Variants in HTT observed in about 807,000 individuals in gnomAD.
HTT encodes the protein huntingtin, also known as huntington disease protein.
A neutral mutation model predicts 362.3 loss-of-function variants in HTT; 104 were observed. The ratio of observed to expected loss-of-function variants is 0.29; its 90% confidence interval spans 0.24 to 0.34. HTT has a LOEUF of 0.34. Among genes scored for constraint, HTT ranks in the 10% least tolerant of loss-of-function variants. The pLI, the probability that HTT is intolerant of heterozygous loss-of-function variation, is 1.00. For synonymous variants in HTT, 1,577 were observed against 1,548.7 expected (o/e 1.02, Z -0.43); for missense variants, 3,301 against 3,928.6 (o/e 0.84, Z 4.27).
intron 40 of HTT, among the ~76,000 whole-genome samples, chr4:3,197,830 G>A (rs772477141): frequency 2.0e-5 from 3 of 152,142 alleles, no homozygotes; most frequent in Non-Finnish European, 2.9e-5. Flanking sequence ...TCTATTACCT[G>A]TTCAAAACCC....
intron 46 of HTT, among the ~76,000 whole-genome samples, 153 bp downstream of exon 46, chr4:3,209,064 G>A (rs183606507): frequency 6.6e-6 from 1 of 152,356 alleles, no homozygotes; most frequent in East Asian, 1.9e-4. Flanking sequence ...GACGTGGGGG[G>A]CCATCAAGGT....
intron 37 of HTT, among the ~76,000 whole-genome samples, chr4:3,186,261 G>C (rs1175501164): frequency 1.3e-5 from 2 of 152,128 alleles, no homozygotes; most frequent in African/African-American, 4.8e-5. Flanking sequence ...TGGAAGACTG[G>C]TCCCCAAAAT....
chr4:3,166,302 C>T (rs774246917), intron 29 of HTT, among the ~76,000 whole-genome samples: 8 of 152,100 alleles, frequency 5.3e-5, no homozygotes, highest in Admixed American at 3.9e-4. Flanking sequence ...TCCCAGAGCA[C>T]GAAGGTGTCT....
chr4:3,231,280 G>A (rs753593813), intron 60 of HTT, among the ~76,000 whole-genome samples: 4 of 152,204 alleles, frequency 2.6e-5, no homozygotes, highest in Admixed American at 6.5e-5. Context: ...TGCCTAGCCC[G>A]TGCTCTGGAC....
At chr4:3,188,840 C>A in intron 39 of HTT, 111 bp from the exon 40 acceptor site, 1 of 1,062,402 alleles carries the variant, frequency 9.4e-7, no homozygotes, top group Non-Finnish European at 1.4e-6. Flanking sequence ...GGTTAATGTA[C>A]TCTACCTATA....
At chr4:3,141,088 A>G (rs908196375) in intron 22 of HTT, among the ~76,000 whole-genome samples, 3 of 152,218 alleles carry the variant, frequency 2.0e-5, no homozygotes, top group African/African-American at 4.8e-5. Context: ...CGAGATTATC[A>G]TTCACATTTA....
At chr4:3,164,566 T>C (rs1204965949) in intron 29 of HTT, among the ~76,000 whole-genome samples, 1 of 152,220 alleles carries the variant, frequency 6.6e-6, no homozygotes, top group African/African-American at 2.4e-5. Flanking sequence ...AGTCTCTTTG[T>C]AGGTCTCTAA....
intron 6 of HTT, among the ~76,000 whole-genome samples, chr4:3,112,048 GA>G (rs1424024407): frequency 1.4e-4 from 21 of 152,294 alleles, no homozygotes; most frequent in African/African-American, 4.1e-4. Context: ...TTTAGCTTCC[GA>G]AGTTTTGTTG....
intron 29 of HTT, 69 bp downstream of exon 29, chr4:3,160,461 C>A (rs1014194177): frequency 7.4e-6 from 8 of 1,077,178 alleles, no homozygotes; most frequent in Non-Finnish European, 1.1e-5. Flanking sequence ...GGGCTGAGTT[C>A]ATCTAGGATG....
At chr4:3,233,481 TG>T in intron 61 of HTT, 128 bp downstream of exon 61, 6 of 906,546 alleles carry the variant, frequency 6.6e-6, no homozygotes, top group Non-Finnish European at 1.0e-5. Flanking sequence ...GGAACCCAGG[TG>T]GGTGCCATGG....
intron 6 of HTT, among the ~76,000 whole-genome samples, chr4:3,114,764 G>A (rs1714937607): frequency 6.6e-6 from 1 of 152,132 alleles, no homozygotes; most frequent in South Asian, 2.1e-4. Flanking sequence ...TTTCTCCTTT[G>A]GATTGTCCTA....
At chr4:3,161,707 G>A (rs1301819498) in intron 29 of HTT, among the ~76,000 whole-genome samples, 2 of 152,162 alleles carry the variant, frequency 1.3e-5, no homozygotes, top group East Asian at 3.8e-4. Flanking sequence ...TCTGTTGGCT[G>A]CATAAATGTC....
chr4:3,176,248 C>G (rs1177825307), intron 33 of HTT, among the ~76,000 whole-genome samples: 1 of 152,086 alleles, frequency 6.6e-6, no homozygotes, highest in East Asian at 1.9e-4. Context: ...AGGATGGTCT[C>G]CATCTCCTGA....
intron 21 of HTT, among the ~76,000 whole-genome samples, chr4:3,136,880 G>C (rs965273461): frequency 4.6e-5 from 7 of 151,332 alleles, no homozygotes; most frequent in Non-Finnish European, 1.0e-4. Context: ...CTTTTTCTGA[G>C]AATTCCTGGA....
intron 6 of HTT, among the ~76,000 whole-genome samples, chr4:3,114,156 G>GCCGAA (rs1714905377): frequency 2.0e-5 from 3 of 152,244 alleles, no homozygotes; most frequent in Non-Finnish European, 4.4e-5. Context: ...GGTTGGGCTA[G>GCCGAA]TTAACCGCAG....
Position 3,127,522 on chromosome 4 carries a change from C to T in HTT, c.1661C>T (p.Ala554Val). The change falls in exon 12 of 67, where the codon GCC becomes GTC. Residue 554 changes from alanine (A) to valine (V), a missense_variant. By Grantham distance (64) the Ala-to-Val change is moderately conservative. This residue lies in a region of HTT where 2,316 missense variants were observed against 2,658.5 expected (regional missense o/e 0.87). Transcript: ENST00000355072. The part of the protein sequence containing the change: ...PAMDLNDGTQ[A>V]SSPISDSSQT... ...ATGGACCTGAATGATGGGACCCAGG[C>T]CTCGTCGCCCATCAGCGACAGCTCC... The T allele has an allele frequency of 1.2e-6, 2 of 1,614,186 alleles. No homozygotes were observed. Among genetic ancestry groups the T allele is most frequent in the Non-Finnish European group, 8.5e-7 (1 of 1,180,000 alleles).
chr4:3,229,824 T>C lies in HTT; in HGVS notation c.8110-63T>C, dbSNP rs536758193. 1.2e-5 allele frequency: 19 copies of C among 1,551,184 alleles called. No homozygotes were observed. The East Asian group carries it at 4.1e-4, about 33-fold the overall frequency. ...GACTTGCCAGTAGTAGCGTTCTGGA[T>C]GCGTTGCCTGGATTCTAACAGCGCG... is the stretch of plus-strand genomic sequence containing the variant. On this transcript the variant is annotated intron_variant, in intron 59 of 66. Coordinates refer to ENST00000355072, the MANE Select transcript of HTT (RefSeq NM_001388492.1).
At chr4:3,088,599 T>A (rs142907666) in intron 2 of HTT, among the ~76,000 whole-genome samples, 324 of 152,316 alleles carry the variant, frequency 2.1e-3, no homozygotes, top group African/African-American at 7.0e-3. Flanking sequence ...CTTCATAAGT[T>A]TTTCTTCTGT....
intron 29 of HTT, among the ~76,000 whole-genome samples, chr4:3,169,886 A>G (rs964595436): frequency 6.6e-6 from 1 of 152,192 alleles, no homozygotes; most frequent in Admixed American, 6.5e-5. Context: ...TGTTCAGTGT[A>G]TATCACTAAT....
Sources: allele counts gnomAD v4.1 joint callset (sites outside exome capture counted in the v4.1 genomes callset), GRCh38; gene constraint gnomAD v4.1.1; regional missense constraint gnomAD v4.1.1; transcripts MANE v1.5; gene names NCBI Gene and HGNC (gene_info 2026-07-23, HGNC 2026-07-21).